The following HIPK2 variants were observed in gnomAD, a reference collection of about 807,000 sequenced individuals.
HIPK2 encodes the protein homeodomain interacting protein kinase 2.
HIPK2 carries 27 observed loss-of-function variants against 113.7 expected under a neutral mutation model. The observed-to-expected ratio is 0.24, with a 90% CI of 0.17 to 0.33. The LOEUF (loss-of-function observed/expected upper bound fraction) is 0.33. Among genes scored for constraint, HIPK2 ranks in the 10% least tolerant of loss-of-function variants. HIPK2 has a pLI of 1.00. For missense variants in HIPK2, 1,257 were observed against 1,588.0 expected (o/e 0.79, Z 3.54); for synonymous variants, 631 against 642.2 (o/e 0.98, Z 0.26).
At chr7:139,712,163 C>T (rs897842710) in intron 2 of HIPK2, among the ~76,000 whole-genome samples, 1 of 152,192 alleles carries the variant, frequency 6.6e-6, no homozygotes, top group Non-Finnish European at 1.5e-5. Context: ...GCTTCAGACT[C>T]GAGAAAAAAA....
intron 1 of HIPK2, among the ~76,000 whole-genome samples, chr7:139,776,134 A>T (rs1490749287): frequency 6.6e-6 from 1 of 152,180 alleles, no homozygotes; most frequent in African/African-American, 2.4e-5. Context: ...GTCCACCGGC[A>T]TGTTCTATTC....
At chr7:139,751,133 T>C (rs1270532602) in intron 1 of HIPK2, among the ~76,000 whole-genome samples, 4 of 152,196 alleles carry the variant, frequency 2.6e-5, no homozygotes, top group African/African-American at 9.6e-5. Flanking sequence ...GAATTACAAA[T>C]AATCAAATAG....
intron 2 of HIPK2, among the ~76,000 whole-genome samples, chr7:139,658,117 G>T (rs1352837689): frequency 6.6e-6 from 1 of 152,166 alleles, no homozygotes; most frequent in Non-Finnish European, 1.5e-5. Context: ...ACCAGCCTGA[G>T]CAACATGGTG....
At chr7:139,640,564 G>T (rs1800976648) in intron 2 of HIPK2, among the ~76,000 whole-genome samples, 2 of 152,244 alleles carry the variant, frequency 1.3e-5, no homozygotes, top group South Asian at 4.1e-4. Context: ...GCATAGAGTA[G>T]TCAGCTGAAC....
intron 2 of HIPK2, among the ~76,000 whole-genome samples, chr7:139,633,543 G>T (rs1800695032): frequency 6.6e-6 from 1 of 152,088 alleles, no homozygotes. Context: ...CAGGTGTGGT[G>T]GCTCATGCCT....
At chr7:139,575,516 G>A (rs751657572) in intron 13 of HIPK2, among the ~76,000 whole-genome samples, 2 of 152,210 alleles carry the variant, frequency 1.3e-5, no homozygotes, top group African/African-American at 4.8e-5. Context: ...GGCTGCATGA[G>A]GGAATGAAGC....
intron 5 of HIPK2, 61 bp from the exon 6 acceptor site, chr7:139,626,846 TC>T (rs1800450018): frequency 1.2e-5 from 19 of 1,589,318 alleles, no homozygotes; most frequent in East Asian, 2.2e-5. Flanking sequence ...CTCTCCTGGC[TC>T]CCCTTATTTT....
chr7:139,691,250 T>C (rs543367504), intron 2 of HIPK2, among the ~76,000 whole-genome samples: 110 of 152,304 alleles, frequency 7.2e-4, no homozygotes, highest in African/African-American at 2.5e-3. Context: ...ATAGTTTCGA[T>C]TGTGCAAACA....
Position 139,570,751 on chromosome 7 carries a change from T to C in HIPK2, c.*2176A>G, listed in dbSNP as rs561301035. On this transcript the variant is annotated 3_prime_UTR_variant, in exon 15 of 15. Coordinates refer to ENST00000406875, the MANE Select transcript of HIPK2 (RefSeq NM_022740.5). ...GAAGTAAAGGGAGGGAGGATGAGGA[T>C]GGGGCCGCTGACTCGGGAAAGATCT... The C allele has an allele frequency of 5.2e-4, 80 of 152,628 alleles. No homozygotes were observed. Among genetic ancestry groups the C allele is most frequent in the Middle Eastern group, 3.4e-3 (1 of 296 alleles). 9.5% of individuals were successfully genotyped at this position (152,628 alleles called of 1,614,324 possible).
intron 1 of HIPK2, among the ~76,000 whole-genome samples, chr7:139,760,685 T>C (rs1796448066): frequency 1.3e-5 from 2 of 152,184 alleles, no homozygotes; most frequent in African/African-American, 4.8e-5. Flanking sequence ...CTAAGGAAAG[T>C]GAAAGCATAA....
At chr7:139,709,410 A>G (rs1794998957) in intron 2 of HIPK2, among the ~76,000 whole-genome samples, 1 of 152,222 alleles carries the variant, frequency 6.6e-6, no homozygotes, top group Admixed American at 6.5e-5. Flanking sequence ...GCAATTTTTG[A>G]AATGACTTAT....
chr7:139,732,675 C>T (rs1472044265), intron 1 of HIPK2, among the ~76,000 whole-genome samples: 3 of 151,716 alleles, frequency 2.0e-5, no homozygotes, highest in South Asian at 2.1e-4. Flanking sequence ...TGCCTCAATC[C>T]CCTCATCTCT....
At chr7:139,640,534 G>T (rs1326555136) in intron 2 of HIPK2, among the ~76,000 whole-genome samples, 1 of 152,172 alleles carries the variant, frequency 6.6e-6, no homozygotes, top group African/African-American at 2.4e-5. Flanking sequence ...CATCATAGGG[G>T]GGCACCTTGC....
Position 139,686,438 on chromosome 7 carries a change from T to C in HIPK2, c.1103+29494A>G, listed in dbSNP as rs561166904. 3.3e-5 allele frequency among the ~76,000 whole-genome samples: 5 copies of C among 150,746 alleles called. 1 individual carries two copies. The highest frequency in any genetic ancestry group is 3.3e-4 in the Admixed American group (5 of 15,250). ...GCTGTGTCCCCACCCAAATCTCATC[T>C]TGAATTGTAGTTCCCATCATCCCCA... is the stretch of plus-strand genomic sequence containing the variant. On this transcript the variant is annotated intron_variant, in intron 2 of 14. Coordinates refer to ENST00000406875, the MANE Select transcript of HIPK2 (RefSeq NM_022740.5).
intron 6 of HIPK2, among the ~76,000 whole-genome samples, chr7:139,623,517 C>CAA (rs771370297): frequency 4.2e-4 from 31 of 74,036 alleles, no homozygotes; most frequent in African/African-American, 7.1e-4. Context: ...GACTCTACTT[C>CAA]AAAAAAAAAA....
intron 1 of HIPK2, among the ~76,000 whole-genome samples, chr7:139,733,891 G>C (rs1023602663): frequency 2.0e-5 from 3 of 152,196 alleles, no homozygotes; most frequent in African/African-American, 7.2e-5. Flanking sequence ...ACCATGGTCT[G>C]GGGAGGAGCA....
chr7:139,736,537 G>A (rs1441045179), intron 1 of HIPK2, among the ~76,000 whole-genome samples: 1 of 152,182 alleles, frequency 6.6e-6, no homozygotes, highest in East Asian at 1.9e-4. Flanking sequence ...GCTCTGCCCT[G>A]ATTCCCAGGG....
At chr7:139,695,682 A>G (rs1042055102) in intron 2 of HIPK2, among the ~76,000 whole-genome samples, 479 of 152,102 alleles carry the variant, frequency 3.1e-3, no homozygotes, top group African/African-American at 0.011. Context: ...ACTCAAGATG[A>G]AAATTTAGGA....
rs1169033943 is a variant in HIPK2 at position 139,613,076 on chromosome 7, A to G, written c.2112+126T>C. ...GGGGACCATTTAGAATATTACAGAT[A>G]CATTCCAATGACTAGAAGCACCTAA... On this transcript the variant is annotated intron_variant, in intron 9 of 14. Transcript: ENST00000406875. This position sits in a 1 kb window ranked among gnomAD's most constrained non-coding sequence, Gnocchi z 4.2. 3.5e-6 allele frequency: 4 copies of G among 1,130,514 alleles called. No individual in the cohort carries two copies. The highest frequency in any genetic ancestry group is 4.3e-4 in the Middle Eastern group (2 of 4,624). 70.0% of individuals were successfully genotyped at this position (1,130,514 alleles called of 1,614,324 possible).
Sources: allele counts gnomAD v4.1 joint callset (sites outside exome capture counted in the v4.1 genomes callset), GRCh38; gene constraint gnomAD v4.1.1; non-coding constraint Gnocchi (gnomAD v3.1); transcripts MANE v1.5; gene names NCBI Gene and HGNC (gene_info 2026-07-23, HGNC 2026-07-21).